Variants in DGKB observed in about 807,000 individuals in gnomAD.
DGKB encodes the protein 90 kDa diacylglycerol kinase.
In DGKB, 67 loss-of-function variants were observed where a neutral mutation model predicts 114.3. The ratio of observed to expected loss-of-function variants is 0.59; its 90% CI spans 0.48 to 0.72. The LOEUF (loss-of-function observed/expected upper bound fraction) is 0.72. Ranked by LOEUF, DGKB falls within the 30% of genes least tolerant of loss-of-function variation. DGKB has a pLI of 0.00. For missense variants in DGKB, 907 were observed against 975.2 expected (o/e 0.93, Z 0.93); for synonymous variants, 398 against 323.1 (o/e 1.23, Z -2.49).
At chr7:14,374,129 C>A (rs528782540) in intron 21 of DGKB, among the ~76,000 whole-genome samples, 1 of 152,196 alleles carries the variant, frequency 6.6e-6, no homozygotes. Context: ...CAACACTTCC[C>A]GAACTGCAAT....
chr7:14,599,389 C>A (rs1007873347), intron 17 of DGKB, among the ~76,000 whole-genome samples: 3 of 152,136 alleles, frequency 2.0e-5, no homozygotes, highest in Non-Finnish European at 4.4e-5. Flanking sequence ...CTGTTCTAGT[C>A]TCCCTGGGCT....
intron 23 of DGKB, among the ~76,000 whole-genome samples, chr7:14,188,301 G>T (rs888891565): frequency 6.6e-6 from 1 of 152,100 alleles, no homozygotes; most frequent in Non-Finnish European, 1.5e-5. Flanking sequence ...TTTATTTAAC[G>T]AAATAATAGC....
intron 1 of DGKB, among the ~76,000 whole-genome samples, chr7:14,887,369 C>T (rs1018063145): frequency 6.6e-6 from 1 of 151,100 alleles, no homozygotes; most frequent in African/African-American, 2.5e-5. Context: ...GCTTTCTCTT[C>T]CTGTTCCTTC....
At chr7:14,710,182 A>C (rs1827117938) in intron 6 of DGKB, among the ~76,000 whole-genome samples, 1 of 152,058 alleles carries the variant, frequency 6.6e-6, no homozygotes, top group South Asian at 2.1e-4. Context: ...TTAGAGCTTT[A>C]ATTTCTCTCA....
intron 20 of DGKB, among the ~76,000 whole-genome samples, chr7:14,490,347 C>T (rs1385049126): frequency 1.3e-5 from 2 of 151,954 alleles, no homozygotes; most frequent in African/African-American, 4.8e-5. Flanking sequence ...TTCTTTATAC[C>T]TGAAAGACAA....
intron 23 of DGKB, among the ~76,000 whole-genome samples, chr7:14,241,923 C>T (rs1793708174): frequency 1.4e-5 from 2 of 148,072 alleles, no homozygotes; most frequent in African/African-American, 5.1e-5. Flanking sequence ...GATATATACA[C>T]ACACACACAT....
intron 20 of DGKB, among the ~76,000 whole-genome samples, chr7:14,544,792 C>G (rs1020858161): frequency 1.3e-5 from 2 of 151,916 alleles, no homozygotes; most frequent in Non-Finnish European, 2.9e-5. Context: ...TGTTAAATTC[C>G]TTAGGAGTGT....
At chr7:14,283,740 C>T (rs555598463) in intron 23 of DGKB, among the ~76,000 whole-genome samples, 1 of 152,200 alleles carries the variant, frequency 6.6e-6, no homozygotes, top group Non-Finnish European at 1.5e-5. Context: ...GTTTGACAAA[C>T]CTGACAAAAA....
chr7:14,880,857 T>C (rs1311605438), intron 1 of DGKB, among the ~76,000 whole-genome samples: 1 of 152,202 alleles, frequency 6.6e-6, no homozygotes, highest in East Asian at 1.9e-4. Context: ...AATGTTTTGC[T>C]ACTAATTCAA....
chr7:14,668,320 C>T (rs1382480522), intron 13 of DGKB, among the ~76,000 whole-genome samples: 1 of 151,988 alleles, frequency 6.6e-6, no homozygotes, highest in Non-Finnish European at 1.5e-5. Flanking sequence ...ATAAAAAATG[C>T]TACTTAGGTT....
chr7:14,814,392 C>G (rs1002634654), intron 2 of DGKB, among the ~76,000 whole-genome samples: 1 of 152,112 alleles, frequency 6.6e-6, no homozygotes, highest in African/African-American at 2.4e-5. Flanking sequence ...CTGTTTTTAT[C>G]AAGCCTGAAG....
In DGKB at chr7:14,893,938, G is replaced by T. The variant is rs189784459; in HGVS notation, c.-188+8654C>A. On this transcript the variant is annotated intron_variant, in intron 1 of 25. Coordinates refer to ENST00000402815, the MANE Select transcript of DGKB (RefSeq NM_001350709.2). ...ATAGGATCTCCATAATGTCAAAATCGGGTTCTGTTCATAAGTTTTTTTTTC... is the reference window on the plus strand; with the variant it reads ...ATAGGATCTCCATAATGTCAAAATCTGGTTCTGTTCATAAGTTTTTTTTTC... Among the ~76,000 whole-genome samples, 549 of 151,128 alleles carry T rather than the reference G, an allele frequency of 3.6e-3. 5 individuals carry two copies. Among genetic ancestry groups the T allele is most frequent in the Middle Eastern group, 0.02 (6 of 294 alleles).
chr7:14,880,731 A>G (rs1854093632), intron 1 of DGKB, among the ~76,000 whole-genome samples: 1 of 152,206 alleles, frequency 6.6e-6, no homozygotes, highest in Non-Finnish European at 1.5e-5. Flanking sequence ...TTAAGTATCA[A>G]AACTAACGAC....
chr7:14,600,791 C>T (rs950266815), intron 17 of DGKB, among the ~76,000 whole-genome samples: 4 of 152,230 alleles, frequency 2.6e-5, no homozygotes, highest in African/African-American at 4.8e-5. Flanking sequence ...TCTGAACACA[C>T]TGTGCAGAGT....
intron 1 of DGKB, among the ~76,000 whole-genome samples, chr7:14,860,394 G>A (rs118191020): frequency 0.011 from 1,653 of 151,970 alleles, 18 homozygotes; most frequent in South Asian, 0.022. Context: ...ATACATTCAC[G>A]TCTTCCATTG....
At chr7:14,658,001 C>A (rs1371500359) in intron 13 of DGKB, among the ~76,000 whole-genome samples, 1 of 151,916 alleles carries the variant, frequency 6.6e-6, no homozygotes, top group African/African-American at 2.4e-5. Flanking sequence ...TCAACACATG[C>A]TCTAAGGAAA....
At chr7:14,925,118 T>A (rs1197475899) in intron 1 of DGKB, among the ~76,000 whole-genome samples, 1 of 152,230 alleles carries the variant, frequency 6.6e-6, no homozygotes, top group Non-Finnish European at 1.5e-5. Context: ...TCATTTTGAT[T>A]GCCCAGTAGT....
At chr7:14,386,337 C>T (rs2128695741) in intron 21 of DGKB, among the ~76,000 whole-genome samples, 1 of 152,276 alleles carries the variant, frequency 6.6e-6, no homozygotes, top group East Asian at 1.9e-4. Context: ...CTTTTCTTAG[C>T]AAATATCTCC....
At chr7:14,933,230 C>T (rs1003534164) in intron 1 of DGKB, among the ~76,000 whole-genome samples, 4 of 152,138 alleles carry the variant, frequency 2.6e-5, no homozygotes, top group African/African-American at 4.8e-5. Context: ...ATTTTCTATT[C>T]GATTATTTTC....
Sources: gnomAD v4.1 joint callset for allele counts (sites outside exome capture counted in the v4.1 genomes callset) on GRCh38, gnomAD v4.1.1 for gene constraint, MANE v1.5 for transcripts, NCBI Gene and HGNC (gene_info 2026-07-23, HGNC 2026-07-21) for gene names.